CPB2: variants seen among roughly 807,000 people sequenced by gnomAD.
The protein encoded by CPB2 is carboxypeptidase B2.
In CPB2, 54 loss-of-function variants were observed where a neutral mutation model predicts 57.0. The observed-to-expected ratio is 0.95, with a 90% CI of 0.76 to 1.19. The LOEUF is 1.19. Among genes scored for constraint, CPB2 ranks in the 50% most tolerant of loss-of-function variants. CPB2 has a pLI of 0.00. For missense variants in CPB2, 426 were observed against 512.0 expected (o/e 0.83, Z 1.62); for synonymous variants, 189 against 178.1 (o/e 1.06, Z -0.49).
chr13:46,064,947 T>C (rs1277865425), intron 7 of CPB2, among the ~76,000 whole-genome samples: 1 of 152,226 alleles, frequency 6.6e-6, no homozygotes, highest in Non-Finnish European at 1.5e-5. Flanking sequence ...CCACTCAGAC[T>C]ATTTTAGTTG....
chr13:46,059,548 G>A lies in CPB2; in HGVS notation c.797-1167C>T, dbSNP rs148478794. 5.9e-4 allele frequency among the ~76,000 whole-genome samples: 89 copies of A among 151,962 alleles called. No individual in the cohort carries two copies. In the East Asian group the frequency reaches 0.017, roughly 29 times the overall value. Reference sequence around the variant, plus strand: ...AAGTGCTTTGCACAGTGCCTGGCATGTAGTATGCATTTCATAACTGTTGCT... The same window carrying A: ...AAGTGCTTTGCACAGTGCCTGGCATATAGTATGCATTTCATAACTGTTGCT... On this transcript the variant is annotated intron_variant, in intron 8 of 10. Coordinates refer to ENST00000181383, the MANE Select transcript of CPB2 (RefSeq NM_001872.5).
chr13:46,057,881 A>G (rs1440128683), intron 9 of CPB2, among the ~76,000 whole-genome samples: 2 of 152,204 alleles, frequency 1.3e-5, no homozygotes, highest in Non-Finnish European at 2.9e-5. Flanking sequence ...ATACCGCTTC[A>G]CATGCAGATC....
intron 6 of CPB2, among the ~76,000 whole-genome samples, chr13:46,068,650 G>C (rs558621696): frequency 6.6e-6 from 1 of 151,988 alleles, no homozygotes; most frequent in Non-Finnish European, 1.5e-5. Flanking sequence ...CCATCAACCC[G>C]TCATCTACAT....
chr13:46,089,529 G>A (rs2045260318), intron 1 of CPB2, among the ~76,000 whole-genome samples: 1 of 152,102 alleles, frequency 6.6e-6, no homozygotes, highest in Non-Finnish European at 1.5e-5. Context: ...AGAGCACCAG[G>A]GAGAGTTCTA....
rs201715280 is a variant in CPB2 at position 46,090,082 on chromosome 13, T to A, written c.75-2262A>T. On this transcript the variant is annotated intron_variant, in intron 1 of 10. Coordinates refer to ENST00000181383, the MANE Select transcript of CPB2 (RefSeq NM_001872.5). ...TACCCTTGAGCCAATACTACTCATC[T>A]TAGTGATGGTAGCTTCATATTACAT... Among the ~76,000 whole-genome samples the A allele has an allele frequency of 2.0e-5, 3 of 152,322 alleles. No homozygotes were observed. The East Asian group carries it at 5.8e-4, about 29-fold the overall frequency.
chr13:46,098,539 A>G lies in CPB2; in HGVS notation c.74+6397T>C, dbSNP rs1264704887. ...GATCTCCATCCAGGGATGAACTCTT[A>G]TTTCCTCAGCTTCTTTGTCTCCTCA... On this transcript the variant is annotated intron_variant, in intron 1 of 10. Coordinates refer to ENST00000181383, the MANE Select transcript of CPB2 (RefSeq NM_001872.5). The G allele has an allele frequency of 5.3e-5, 8 of 152,324 alleles. No homozygotes were observed. The East Asian group carries it at 1.3e-3, about 26-fold the overall frequency. 9.4% of individuals were successfully genotyped at this position (152,324 alleles called of 1,614,324 possible).
chr13:46,067,279 G>T, intron 7 of CPB2, 28 bp downstream of exon 7: 1 of 1,144,648 alleles, frequency 8.7e-7, no homozygotes, highest in Non-Finnish European at 1.3e-6. Flanking sequence ...AGGAGAACAT[G>T]ATTTGTCTTC....
intron 1 of CPB2, 122 bp from the exon 2 acceptor site, chr13:46,087,942 C>G (rs1221893613): frequency 3.2e-6 from 2 of 627,310 alleles, no homozygotes; most frequent in Middle Eastern, 4.3e-4. Context: ...GTTATTAGGA[C>G]AGAGGATCTT....
Position 46,086,688 on chromosome 13 carries a change from C to A in CPB2, c.150+1057G>T, listed in dbSNP as rs551228805. The stretch of plus-strand genomic sequence containing the variant: ...AGGTGGGGCTTCACCAGGGACCCGC[C>A]CTTTTCTGCCTAGGATCCTGTCTGC... On this transcript the variant is annotated intron_variant, in intron 2 of 10. Transcript: ENST00000181383. 4.9e-4 allele frequency among the ~76,000 whole-genome samples: 75 copies of A among 152,342 alleles called. No homozygotes were observed. The Middle Eastern group carries it at 0.02, about 41-fold the overall frequency.
At chr13:46,089,774 A>G (rs1328721862) in intron 1 of CPB2, among the ~76,000 whole-genome samples, 3 of 152,144 alleles carry the variant, frequency 2.0e-5, no homozygotes, top group African/African-American at 7.2e-5. Context: ...GTCTATGCGG[A>G]AGATAGTCCC....
intron 1 of CPB2, among the ~76,000 whole-genome samples, chr13:46,095,509 T>C (rs561490610): frequency 2.0e-5 from 3 of 152,254 alleles, no homozygotes; most frequent in South Asian, 2.1e-4. Flanking sequence ...ACAATCTCAA[T>C]TGCAGCCATA....
intron 9 of CPB2, among the ~76,000 whole-genome samples, chr13:46,057,177 C>T (rs371685015): frequency 6.6e-5 from 10 of 151,222 alleles, no homozygotes; most frequent in African/African-American, 1.9e-4. Flanking sequence ...CATAATTAGA[C>T]TAATTCTACT....
intron 6 of CPB2, among the ~76,000 whole-genome samples, chr13:46,072,479 A>G (rs2044958078): frequency 6.6e-6 from 1 of 152,210 alleles, no homozygotes; most frequent in Non-Finnish European, 1.5e-5. Flanking sequence ...TACACAAATC[A>G]GGTTCACATT....
At chr13:46,087,619 GAGA>G in intron 2 of CPB2, 123 bp downstream of exon 2, 1 of 669,846 alleles carries the variant, frequency 1.5e-6, no homozygotes, top group South Asian at 1.8e-5. Context: ...TGAGAAGGGA[GAGA>G]AGACTATGAG....
chr13:46,074,887 G>A (rs2044998667), intron 5 of CPB2, among the ~76,000 whole-genome samples: 1 of 152,186 alleles, frequency 6.6e-6, no homozygotes, highest in Non-Finnish European at 1.5e-5. Context: ...TTCACAGTGG[G>A]GTTTGTGCTC....
intron 8 of CPB2, among the ~76,000 whole-genome samples, chr13:46,061,744 A>G (rs2044775185): frequency 6.6e-6 from 1 of 152,156 alleles, no homozygotes; most frequent in African/African-American, 2.4e-5. Context: ...GAAGACAAAG[A>G]CACCCCTACA....
At chr13:46,100,458 A>G (rs1259970722) in intron 1 of CPB2, 1 of 151,432 alleles carries the variant, frequency 6.6e-6, no homozygotes, top group East Asian at 2.0e-4. Flanking sequence ...AAGCTGTCAG[A>G]GTGGAAAGAG....
Position 46,053,411 on chromosome 13 carries a change from T to G in CPB2, c.*203A>C, listed in dbSNP as rs569249900. ...AAGTAGGTAACTAGACTTTTACAAT[T>G]TTTTTTAAAGGGTAAAAAGACATGA... On this transcript the variant is annotated 3_prime_UTR_variant, in exon 11 of 11. Transcript: ENST00000181383. The G allele has an allele frequency of 3.0e-6, 2 of 677,824 alleles. No homozygotes were observed. Among genetic ancestry groups the G allele is most frequent in the East Asian group, 6.6e-5 (2 of 30,208 alleles). The allele number at this position is 677,824 out of a possible 1,614,324, so 42.0% of individuals were successfully genotyped here. A position where few individuals can be genotyped will look rare whatever the true frequency, so the allele number is the denominator to read the frequency against.
chr13:46,085,160 C>G lies in CPB2; in HGVS notation c.151-817G>C, dbSNP rs144327738. Among the ~76,000 whole-genome samples the G allele has an allele frequency of 2.1e-3, 313 of 152,250 alleles. 1 individual carries two copies. The highest frequency in any genetic ancestry group is 7.3e-3 in the African/African-American group (302 of 41,548). ...CCACTACACGTACTTTTTCAAAGCA[C>G]TTTCACACTCATTTCCTTTGATATT... On this transcript the variant is annotated intron_variant, in intron 2 of 10. Transcript: ENST00000181383.
Sources: gnomAD v4.1 joint callset for allele counts (sites outside exome capture counted in the v4.1 genomes callset) on GRCh38, gnomAD v4.1.1 for gene constraint, MANE v1.5 for transcripts, NCBI Gene and HGNC (gene_info 2026-07-23, HGNC 2026-07-21) for gene names.